The following GRIN2B variants were observed in gnomAD, a reference collection of about 807,000 sequenced individuals.
The protein encoded by GRIN2B is glutamate ionotropic receptor NMDA type subunit 2B, also known as glutamate receptor ionotropic, NMDA 2B.
A neutral mutation model predicts 114.5 loss-of-function variants in GRIN2B; 5 were observed. That is an observed-to-expected ratio of 0.04 (90% CI 0.02 to 0.09). The LOEUF is 0.09. GRIN2B is among the 10% of genes least tolerant of loss of function. The pLI, the probability that GRIN2B is intolerant of heterozygous loss-of-function variation, is 1.00. For synonymous variants in GRIN2B, 787 were observed against 745.1 expected (o/e 1.06, Z -0.92); for missense variants, 1,108 against 1,943.5 (o/e 0.57, Z 8.08).
At chr12:13,762,523 T>A (rs1277671108) in intron 3 of GRIN2B, among the ~76,000 whole-genome samples, 2 of 152,236 alleles carry the variant, frequency 1.3e-5, no homozygotes, top group African/African-American at 2.4e-5. Context: ...CATTCCCATC[T>A]CTTCAAACAC....
At chr12:13,752,440 T>A (rs1179151961) in intron 4 of GRIN2B, among the ~76,000 whole-genome samples, 2 of 152,264 alleles carry the variant, frequency 1.3e-5, no homozygotes, top group Non-Finnish European at 2.9e-5. Flanking sequence ...ATTTCTACAA[T>A]GATTATCTCC....
chr12:13,607,643 G>A (rs754363280), intron 10 of GRIN2B, among the ~76,000 whole-genome samples: 1 of 139,140 alleles, frequency 7.2e-6, no homozygotes, highest in Admixed American at 7.6e-5. Flanking sequence ...AGGGTTTTAG[G>A]TTGGGCAAAT....
chr12:13,610,055 A>C (rs1265217053), intron 9 of GRIN2B: 1 of 152,182 alleles, frequency 6.6e-6, no homozygotes, highest in South Asian at 2.1e-4. Context: ...ACATATTTGC[A>C]CAGGTCTTAT....
intron 10 of GRIN2B, among the ~76,000 whole-genome samples, chr12:13,575,464 G>A (rs1052482778): frequency 6.6e-6 from 1 of 152,084 alleles, no homozygotes; most frequent in South Asian, 2.1e-4. Context: ...TTTGAGGCCA[G>A]CCTGGGAAAC....
intron 3 of GRIN2B, among the ~76,000 whole-genome samples, chr12:13,824,728 T>C (rs1033967127): frequency 6.6e-5 from 10 of 152,072 alleles, no homozygotes; most frequent in Non-Finnish European, 1.3e-4. Flanking sequence ...TGGTGGCACA[T>C]GCTTGTAATC....
chr12:13,929,143 A>C (rs1866972796), intron 2 of GRIN2B, among the ~76,000 whole-genome samples: 3 of 152,220 alleles, frequency 2.0e-5, no homozygotes. Context: ...TACTTAAATA[A>C]CCTGAAGATT....
At chr12:13,972,286 G>A (rs1328843468) in intron 2 of GRIN2B, among the ~76,000 whole-genome samples, 1 of 152,050 alleles carries the variant, frequency 6.6e-6, no homozygotes, top group Non-Finnish European at 1.5e-5. Context: ...TTATTGAAGT[G>A]GAGTTCAAAA....
intron 2 of GRIN2B, among the ~76,000 whole-genome samples, chr12:13,933,895 G>A (rs1867082146): frequency 6.6e-6 from 1 of 152,156 alleles, no homozygotes; most frequent in Non-Finnish European, 1.5e-5. Flanking sequence ...AGCGGTAAGA[G>A]TGAATATTTT....
Position 13,538,422 on chromosome 12 carries a change from T to C in GRIN2B, c.*24361A>G, listed in dbSNP as rs1416176096. 4 of 152,180 alleles carry C rather than the reference T, an allele frequency of 2.6e-5. No homozygotes were observed. Among genetic ancestry groups the C allele is most frequent in the African/African-American group, 9.7e-5 (4 of 41,444 alleles). The allele number at this position is 152,180 out of a possible 1,614,324, so 9.4% of individuals were successfully genotyped here. A position where few individuals can be genotyped will look rare whatever the true frequency, so the allele number is the denominator to read the frequency against. ...CTCACCCTTGTCATTGGAGTCTTTG[T>C]TTTATTGAAGGTGTTGTGATCATGA... On this transcript the variant is annotated 3_prime_UTR_variant, in exon 14 of 14. Coordinates refer to ENST00000609686, the MANE Select transcript of GRIN2B (RefSeq NM_000834.5).
chr12:13,937,290 G>A (rs1867146683), intron 2 of GRIN2B, among the ~76,000 whole-genome samples: 1 of 151,816 alleles, frequency 6.6e-6, no homozygotes, highest in South Asian at 2.1e-4. Context: ...GATTTTCACT[G>A]ACTTACAGGT....
In GRIN2B at chr12:13,574,630, G is replaced by T. The variant is rs145242320; in HGVS notation, c.2011-2666C>A. Among the ~76,000 whole-genome samples the T allele has an allele frequency of 6.8e-4, 103 of 152,312 alleles. 3 individuals carry two copies. The East Asian group carries it at 0.019, about 28-fold the overall frequency. ...CAGTGCCCAGAGGGCCTCACTTCCT[G>T]ATGAAGCTACATTATAGGTAGTTTT... On this transcript the variant is annotated intron_variant, in intron 10 of 13. Coordinates refer to ENST00000609686, the MANE Select transcript of GRIN2B (RefSeq NM_000834.5).
intron 4 of GRIN2B, among the ~76,000 whole-genome samples, chr12:13,695,456 G>T (rs1392780692): frequency 2.0e-5 from 3 of 152,142 alleles, no homozygotes; most frequent in Non-Finnish European, 4.4e-5. Context: ...CTTCACCAGG[G>T]GAGTTATTTT....
At chr12:13,839,469 A>G (rs557228514) in intron 3 of GRIN2B, among the ~76,000 whole-genome samples, 1 of 152,336 alleles carries the variant, frequency 6.6e-6, no homozygotes, top group East Asian at 1.9e-4. Flanking sequence ...GATGTTTTTC[A>G]GCTCCCTCTA....
intron 3 of GRIN2B, among the ~76,000 whole-genome samples, chr12:13,768,899 T>C (rs887644103): frequency 9.9e-5 from 15 of 152,156 alleles, no homozygotes; most frequent in African/African-American, 3.4e-4. Context: ...CCTGGCTTGG[T>C]GGCAGGCGCC....
At chr12:13,851,569 G>A (rs896401991) in intron 3 of GRIN2B, among the ~76,000 whole-genome samples, 1 of 152,088 alleles carries the variant, frequency 6.6e-6, no homozygotes, top group Non-Finnish European at 1.5e-5. Context: ...AAATCCTTGG[G>A]TATGAGGCCA....
At chr12:13,590,556 A>C (rs1451999538) in intron 10 of GRIN2B, among the ~76,000 whole-genome samples, 1 of 152,110 alleles carries the variant, frequency 6.6e-6, no homozygotes, top group Non-Finnish European at 1.5e-5. Flanking sequence ...AGCTTTATCC[A>C]TGTCCCTGCA....
chr12:13,742,749 C>G lies in GRIN2B; in HGVS notation c.1010+10568G>C, dbSNP rs75015590. Among the ~76,000 whole-genome samples, 80 of 152,304 alleles carry G rather than the reference C, an allele frequency of 5.3e-4. No individual in the cohort carries two copies. In the East Asian group the frequency reaches 0.013, roughly 25 times the overall value. ...CCCGGCTTAGAACTTTGATTTTTAA[C>G]TGGGCACATTACTGCCCAGGTTAAA... On this transcript the variant is annotated intron_variant, in intron 4 of 13. Transcript: ENST00000609686.
chr12:13,779,400 C>A (rs541768008), intron 3 of GRIN2B, among the ~76,000 whole-genome samples: 1 of 152,074 alleles, frequency 6.6e-6, no homozygotes, highest in African/African-American at 2.4e-5. Context: ...TGGTATTTTG[C>A]CAAACAGCAA....
chr12:13,566,240 A>C (rs1948637741), intron 13 of GRIN2B, among the ~76,000 whole-genome samples: 1 of 152,230 alleles, frequency 6.6e-6, no homozygotes, highest in Non-Finnish European at 1.5e-5. Context: ...ACAAAACTCC[A>C]TTTGAGTCAA....
Sources: gnomAD v4.1 joint callset for allele counts (sites outside exome capture counted in the v4.1 genomes callset) on GRCh38, gnomAD v4.1.1 for gene constraint, MANE v1.5 for transcripts, NCBI Gene and HGNC (gene_info 2026-07-23, HGNC 2026-07-21) for gene names.